HELQ: variants seen among roughly 807,000 people sequenced by gnomAD.
HELQ encodes the protein helicase POLQ-like.
In HELQ, 77 loss-of-function variants were observed where a neutral mutation model predicts 111.6. That is an observed-to-expected ratio of 0.69 (90% CI 0.57 to 0.83). The LOEUF is 0.83. Among genes scored for constraint, HELQ ranks in the 40% least tolerant of loss-of-function variants. HELQ has a pLI of 0.00. For missense variants in HELQ, 1,200 were observed against 1,288.5 expected (o/e 0.93, Z 1.05); for synonymous variants, 438 against 454.7 (o/e 0.96, Z 0.47).
rs1720682422 is a variant in HELQ at position 83,439,987 on chromosome 4, T to C, written c.1684A>G (p.Met562Val). The change falls in exon 8 of 18, where the codon ATG becomes GTG. Residue 562 changes from methionine to valine, a missense_variant. Coordinates refer to ENST00000295488, the MANE Select transcript of HELQ (RefSeq NM_133636.5). ...NYKYSDTLKKMDPDHLVALVT... is the reference protein window; with the variant it reads ...NYKYSDTLKKVDPDHLVALVT... ...AATGCTACCAAGTGATCAGGATCCA[T>C]CTTTTTTAGGGTATCAGAATACTGC... The C allele has an allele frequency of 6.2e-7, 1 of 1,611,702 alleles. No homozygotes were observed. Among genetic ancestry groups the C allele is most frequent in the African/African-American group, 1.3e-5 (1 of 74,800 alleles).
intron 11 of HELQ, 87 bp downstream of exon 11, chr4:83,431,577 C>T (rs1720150877): frequency 6.0e-6 from 3 of 497,822 alleles, no homozygotes; most frequent in South Asian, 9.4e-5. Context: ...AAAATCTACA[C>T]AGTTGCATAT....
rs1264720807 is a variant in HELQ at position 83,443,691 on chromosome 4, GT to G, written c.1466-78del. The G allele has an allele frequency of 1.1e-4, 65 of 578,636 alleles. No individual in the cohort carries two copies. The East Asian group carries it at 2.0e-3, about 18-fold the overall frequency. 35.8% of individuals were successfully genotyped at this position (578,636 alleles called of 1,614,324 possible). A position where few individuals can be genotyped will look rare whatever the true frequency, so the allele number is the denominator to read the frequency against. On this transcript the variant is annotated intron_variant, in intron 5 of 17. Coordinates refer to ENST00000295488, the MANE Select transcript of HELQ (RefSeq NM_133636.5). The stretch of plus-strand genomic sequence containing the variant: ...ATATATCATAAAGTAATTTTAGCAA[GT>G]CTTTTGTGCTCTGAATTCTTCCTGA...
At chr4:83,408,306 C>CG (rs1738898883) in intron 17 of HELQ, among the ~76,000 whole-genome samples, 1 of 152,058 alleles carries the variant, frequency 6.6e-6, no homozygotes, top group African/African-American at 2.4e-5. Context: ...GGCTGGAGCA[C>CG]GGTGGCGTGA....
chr4:83,422,481 A>G (rs1016011262), intron 14 of HELQ, among the ~76,000 whole-genome samples: 9 of 152,328 alleles, frequency 5.9e-5, no homozygotes, highest in African/African-American at 2.2e-4. Context: ...TAGTGTCCTT[A>G]TAAGAGGAGA....
At chr4:83,436,833 T>C (rs775918482) in intron 9 of HELQ, 25 bp downstream of exon 9, 2 of 1,590,314 alleles carry the variant, frequency 1.3e-6, no homozygotes, top group African/African-American at 2.7e-5. Flanking sequence ...GTTCTGAGCC[T>C]GGTCAACACT....
intron 2 of HELQ, among the ~76,000 whole-genome samples, chr4:83,449,545 C>T (rs1200905094): frequency 1.3e-5 from 2 of 152,114 alleles, no homozygotes; most frequent in African/African-American, 4.8e-5. Context: ...ACTGACACGC[C>T]TAGGATTCCC....
chr4:83,453,033 T>TA (rs1721482818), intron 2 of HELQ, 198 bp downstream of exon 2: 1 of 489,898 alleles, frequency 2.0e-6, no homozygotes, highest in Middle Eastern at 5.4e-4. Flanking sequence ...ACTGGTTTGA[T>TA]AAGTGTGACT....
At chr4:83,421,115 T>A (rs1439971734) in intron 15 of HELQ, among the ~76,000 whole-genome samples, 1 of 152,142 alleles carries the variant, frequency 6.6e-6, no homozygotes, top group Non-Finnish European at 1.5e-5. Context: ...CCAGTCAAAA[T>A]TAAATTTTTT....
At chr4:83,421,011 T>C (rs1327942604) in intron 15 of HELQ, among the ~76,000 whole-genome samples, 1 of 152,116 alleles carries the variant, frequency 6.6e-6, no homozygotes, top group Non-Finnish European at 1.5e-5. Context: ...TTTTCCCACA[T>C]TGCTCAAGCA....
At chr4:83,416,289 T>G (rs976855335) in intron 17 of HELQ, among the ~76,000 whole-genome samples, 5 of 151,644 alleles carry the variant, frequency 3.3e-5, no homozygotes, top group Admixed American at 6.6e-5. Context: ...TCTGTCATCC[T>G]AGCTCAGTGC....
chr4:83,433,665 CAA>C (rs1175098887), intron 9 of HELQ, among the ~76,000 whole-genome samples: 33 of 47,074 alleles, frequency 7.0e-4, no homozygotes, highest in African/African-American at 1.7e-3. Context: ...GACTCCGTCT[CAA>C]AAAAAAAAAA....
At position 83,427,694 on chromosome 4, in the gene HELQ, T is replaced by C. The variant is rs1719919849; in HGVS notation, c.2545A>G (p.Ile849Val). Residue 849 changes from isoleucine to valine, a missense_variant, in exon 13 of 18, where the codon ATT (isoleucine) becomes GTT (valine). By Grantham distance (29) the Ile-to-Val change is conservative. Transcript: ENST00000295488. Reference protein sequence around the residue: ...KGTIDLAYCDILYRDLKKGLE... With the variant: ...KGTIDLAYCDVLYRDLKKGLE... ...CCTTTCTTCAAGTCTCTGTACAGAA[T>C]GTCACAATAAGCTAAATCTATAGTT... 4 of 1,572,394 alleles carry C rather than the reference T, an allele frequency of 2.5e-6. No homozygotes were observed. The highest frequency in any genetic ancestry group is 3.4e-6 in the Non-Finnish European group (4 of 1,163,756).
intron 17 of HELQ, among the ~76,000 whole-genome samples, chr4:83,413,906 T>G (rs962691534): frequency 1.3e-5 from 2 of 152,232 alleles, no homozygotes; most frequent in African/African-American, 4.8e-5. Context: ...CTGGGCCTTA[T>G]GACTATAGCT....
chr4:83,435,244 T>C (rs1452332465), intron 9 of HELQ, among the ~76,000 whole-genome samples: 1 of 152,192 alleles, frequency 6.6e-6, no homozygotes, highest in African/African-American at 2.4e-5. Flanking sequence ...TGTAAAGTTG[T>C]TACTACATGA....
In HELQ at chr4:83,446,074, C is replaced by G; in HGVS notation, c.1405G>C (p.Gly469Arg). The change falls in exon 5 of 18, where the codon GGT (glycine) becomes CGT (arginine). Residue 469 changes from glycine to arginine, a missense_variant. Physicochemically the swap from Gly to Arg is moderately radical, Grantham distance 125 (BLOSUM62 -2). Transcript: ENST00000295488. The stretch of plus-strand genomic sequence containing the variant: ...AGTGTAGCTCCACGGCTTCCTTCAC[C>G]AATCATGTGCAACTTCGAGATTTTT... Reference protein sequence around the residue: ...LVVVDELHMIGEGSRGATLEM... With the variant: ...LVVVDELHMIREGSRGATLEM... The G allele has an allele frequency of 1.2e-6, 2 of 1,612,786 alleles. No homozygotes were observed. Among genetic ancestry groups the G allele is most frequent in the Non-Finnish European group, 1.7e-6 (2 of 1,179,110 alleles).
intron 15 of HELQ, among the ~76,000 whole-genome samples, chr4:83,418,994 TTAAC>T (rs1189215318): frequency 2.0e-5 from 3 of 152,192 alleles, no homozygotes; most frequent in Admixed American, 6.5e-5. Flanking sequence ...TAAAAGCATC[TTAAC>T]TAACACAATT....
At chr4:83,440,373 C>T (rs1242781058) in intron 7 of HELQ, among the ~76,000 whole-genome samples, 1 of 152,076 alleles carries the variant, frequency 6.6e-6, no homozygotes, top group African/African-American at 2.4e-5. Context: ...CAGATTGATC[C>T]TAATAATAGT....
At chr4:83,445,065 G>A (rs762641063) in intron 5 of HELQ, among the ~76,000 whole-genome samples, 1 of 152,146 alleles carries the variant, frequency 6.6e-6, no homozygotes, top group Non-Finnish European at 1.5e-5. Flanking sequence ...TATTTATGAG[G>A]TAAACCAGAT....
chr4:83,437,025 G>A lies in HELQ; in HGVS notation c.1881C>T (p.Asn627=). The change falls in exon 9 of 18, where the codon AAC becomes AAT. Residue 627 remains asparagine (N), a synonymous_variant. Transcript: ENST00000295488. ...TAGTGCGCTTTAAAACAGGACACAGGTTGCCATTGCCAATATTCTTCAAGT... is the reference window on the plus strand; with the variant it reads ...TAGTGCGCTTTAAAACAGGACACAGATTGCCATTGCCAATATTCTTCAAGT... ...IKNLKNIGNG[N]LCPVLKRTIP... The A allele has an allele frequency of 1.2e-6, 2 of 1,614,018 alleles. No individual in the cohort carries two copies. Among genetic ancestry groups the A allele is most frequent in the Admixed American group, 3.3e-5 (2 of 60,012 alleles).
Sources: allele counts gnomAD v4.1 joint callset (sites outside exome capture counted in the v4.1 genomes callset), GRCh38; gene constraint gnomAD v4.1.1; transcripts MANE v1.5; gene names NCBI Gene and HGNC (gene_info 2026-07-23, HGNC 2026-07-21).